KLHL32: variants seen among roughly 807,000 people sequenced by gnomAD.
KLHL32 encodes the protein kelch-like protein 32.
A neutral mutation model predicts 64.8 loss-of-function variants in KLHL32; 35 were observed. That is an observed-to-expected ratio of 0.54 (90% CI 0.41 to 0.72). The LOEUF is 0.72. Ranked by LOEUF, KLHL32 falls within the 30% of genes least tolerant of loss-of-function variation. The pLI is 0.00. For missense variants in KLHL32, 589 were observed against 768.5 expected, an observed-to-expected ratio of 0.77 and a Z score of 2.76; for synonymous variants, 259 against 281.0, an observed-to-expected ratio of 0.92 and a Z score of 0.78.
chr6:97,138,247 AGAAGAGAG>A (rs749883597), intron 10 of KLHL32, among the ~76,000 whole-genome samples: 28 of 119,596 alleles, frequency 2.3e-4, no homozygotes, highest in Non-Finnish European at 4.9e-4. Flanking sequence ...GTGCTATATA[AGAAGAGAG>A]AGGCCAGGCA....
chr6:96,915,901 G>GCTCC, the KLHL32 span, among the ~76,000 whole-genome samples: 6 of 151,712 alleles, frequency 4.0e-5, no homozygotes, highest in Admixed American at 3.3e-4. Context: ...ACATAAATTT[G>GCTCC]CCTTTATAAA....
At chr6:97,042,385 A>C (rs1426612816) in intron 4 of KLHL32, among the ~76,000 whole-genome samples, 1 of 152,226 alleles carries the variant, frequency 6.6e-6, no homozygotes, top group African/African-American at 2.4e-5. Flanking sequence ...AGAAGGATGC[A>C]TGTGGTCAGG....
At position 96,949,077 on chromosome 6, in the gene KLHL32, G is replaced by A. The variant is rs75560056; in HGVS notation, c.-65-17919G>A. Among the ~76,000 whole-genome samples the A allele has an allele frequency of 7.6e-3, 1,157 of 152,216 alleles. 26 individuals carry two copies. The highest frequency in any genetic ancestry group is 0.025 in the African/African-American group (1,045 of 41,532). On this transcript the variant is annotated intron_variant, in intron 1 of 10. Transcript: ENST00000369261. ...ACACCTGTTGACTCAATCACATCACGATGTTTTGTGCATTTTAGCAGCCAT... is the reference window on the plus strand; with the variant it reads ...ACACCTGTTGACTCAATCACATCACAATGTTTTGTGCATTTTAGCAGCCAT...
intron 3 of KLHL32, among the ~76,000 whole-genome samples, chr6:97,030,299 T>G (rs1783347175): frequency 6.6e-6 from 1 of 152,234 alleles, no homozygotes; most frequent in Non-Finnish European, 1.5e-5. Context: ...AATGTAGCTG[T>G]AACTAATCTT....
intron 1 of KLHL32, among the ~76,000 whole-genome samples, chr6:96,937,743 C>A (rs1338899690): frequency 6.6e-6 from 1 of 152,200 alleles, no homozygotes; most frequent in Non-Finnish European, 1.5e-5. Flanking sequence ...CTCACAGCTG[C>A]CCTTCTGCCT....
At chr6:97,054,182 T>C (rs894790612) in intron 4 of KLHL32, among the ~76,000 whole-genome samples, 10 of 152,148 alleles carry the variant, frequency 6.6e-5, no homozygotes, top group Admixed American at 1.3e-4. Flanking sequence ...TTTAAGATGA[T>C]TTATATTGGA....
the KLHL32 span, among the ~76,000 whole-genome samples, chr6:96,910,233 T>A: frequency 6.6e-6 from 1 of 150,926 alleles, no homozygotes; most frequent in East Asian, 2.0e-4. Context: ...CTGTTTTTAA[T>A]AACCCCATCC....
chr6:97,071,136 C>A (rs1000538824), intron 5 of KLHL32, among the ~76,000 whole-genome samples: 1 of 152,098 alleles, frequency 6.6e-6, no homozygotes, highest in Non-Finnish European at 1.5e-5. Flanking sequence ...GCTCCTTGCC[C>A]TCACTACCCA....
chr6:96,969,249 A>G (rs530984985), intron 2 of KLHL32, among the ~76,000 whole-genome samples: 7 of 152,260 alleles, frequency 4.6e-5, no homozygotes, highest in Admixed American at 4.6e-4. Flanking sequence ...TGTTATCCTT[A>G]GTAATTGCTC....
chr6:96,949,297 A>G (rs1400149203), intron 1 of KLHL32, among the ~76,000 whole-genome samples: 1 of 151,630 alleles, frequency 6.6e-6, no homozygotes, highest in Admixed American at 6.6e-5. Flanking sequence ...ATTTAAATTG[A>G]GTCTCCATAG....
At chr6:97,048,571 T>C (rs1786306303) in intron 4 of KLHL32, among the ~76,000 whole-genome samples, 2 of 152,252 alleles carry the variant, frequency 1.3e-5, no homozygotes, top group South Asian at 4.1e-4. Context: ...TTTTTTTGAT[T>C]GTCATTTGGT....
At chr6:96,971,603 C>T (rs1342574338) in intron 2 of KLHL32, among the ~76,000 whole-genome samples, 1 of 152,004 alleles carries the variant, frequency 6.6e-6, no homozygotes, top group Non-Finnish European at 1.5e-5. Flanking sequence ...AAAAGGTCAT[C>T]TTACTGTTCA....
intron 6 of KLHL32, among the ~76,000 whole-genome samples, chr6:97,099,912 G>A (rs1486962938): frequency 6.6e-6 from 1 of 152,074 alleles, no homozygotes; most frequent in Admixed American, 6.5e-5. Context: ...GTGGTGAAGA[G>A]GGTATCTTCT....
chr6:97,139,265 A>G lies in KLHL32; in HGVS notation c.1846A>G (p.Arg616Gly). 2 of 1,613,860 alleles carry G rather than the reference A, an allele frequency of 1.2e-6. No homozygotes were observed. The highest frequency in any genetic ancestry group is 1.7e-6 in the Non-Finnish European group (2 of 1,179,818). Residue 616 changes from arginine to glycine, a missense_variant, in exon 11 of 11, where the codon AGG becomes GGG. This residue lies in a region of KLHL32 where 172 missense variants were observed against 192.0 expected (regional missense o/e 0.90). Coordinates refer to ENST00000369261, the MANE Select transcript of KLHL32 (RefSeq NM_052904.4). Reference sequence around the variant, plus strand: ...TCAAACTCTTCAAGTGCCTCATCACAGGATTGGCACCATCTGAAAAGCCAA... The same window carrying G: ...TCAAACTCTTCAAGTGCCTCATCACGGGATTGGCACCATCTGAAAAGCCAA... ...NLQTLQVPHH[R>G]IGTI
intron 1 of KLHL32, among the ~76,000 whole-genome samples, chr6:96,961,951 T>C (rs1395654818): frequency 6.6e-6 from 1 of 152,154 alleles, no homozygotes; most frequent in Non-Finnish European, 1.5e-5. Flanking sequence ...GAAAAATAAC[T>C]ATAAGCACCG....
At chr6:97,037,582 A>T (rs1485409088) in intron 3 of KLHL32, among the ~76,000 whole-genome samples, 1 of 152,186 alleles carries the variant, frequency 6.6e-6, no homozygotes, top group Non-Finnish European at 1.5e-5. Context: ...GGAATAATTA[A>T]TGCTGCTAAA....
intron 7 of KLHL32, among the ~76,000 whole-genome samples, chr6:97,120,468 T>C (rs1272525761): frequency 6.6e-6 from 1 of 152,146 alleles, no homozygotes; most frequent in African/African-American, 2.4e-5. Context: ...CACAAAACTG[T>C]AGTGGCTCTG....
In KLHL32 at chr6:97,064,705, A is replaced by T. The variant is rs150752710; in HGVS notation, c.390A>T (p.Leu130Phe). The T allele has an allele frequency of 4.3e-6, 7 of 1,614,010 alleles. No individual in the cohort carries two copies. In the South Asian group the frequency reaches 4.4e-5, roughly 10 times the overall value. Residue 130 changes from leucine to phenylalanine, a missense_variant, in exon 5 of 11, where the codon TTA (leucine) becomes TTT (phenylalanine). Physicochemically the swap from Leu to Phe is conservative, Grantham distance 22. This residue lies in a region of KLHL32 where 191 missense variants were observed against 223.3 expected (regional missense o/e 0.86). Transcript: ENST00000369261. ...SHLQLLELLN[L>F]CSHYLIQELN... ...TACAGCTGTTGGAGCTTCTCAATTT[A>T]TGCTCCCACTATCTCATCCAGGTAT...
At chr6:97,004,966 G>A (rs960646135) in intron 3 of KLHL32, among the ~76,000 whole-genome samples, 10 of 151,900 alleles carry the variant, frequency 6.6e-5, no homozygotes, top group African/African-American at 2.4e-4. Context: ...GGTCTGCTAG[G>A]TTTTGGTATC....
Sources: allele counts gnomAD v4.1 joint callset (sites outside exome capture counted in the v4.1 genomes callset), GRCh38; gene constraint gnomAD v4.1.1; regional missense constraint gnomAD v4.1.1; transcripts MANE v1.5; gene names NCBI Gene and HGNC (gene_info 2026-07-23, HGNC 2026-07-21).